DNAH10: variants seen among roughly 807,000 people sequenced by gnomAD.
DNAH10 encodes the protein axonemal beta dynein heavy chain 10.
Under a neutral mutation model 506.6 loss-of-function variants are expected in DNAH10, and 348 were observed. That is an observed-to-expected ratio of 0.69 (90% confidence interval 0.63 to 0.75). DNAH10 has a LOEUF of 0.75. DNAH10 is among the 30% of genes least tolerant of loss of function. The pLI, the probability that DNAH10 is intolerant of heterozygous loss-of-function variation, is 0.00. For synonymous variants in DNAH10, 2,059 were observed against 2,198.6 expected (o/e 0.94, Z 1.78); for missense variants, 5,179 against 5,787.1 (o/e 0.89, Z 3.41).
chr12:123,798,987 C>T (rs1458785384), intron 13 of DNAH10, among the ~76,000 whole-genome samples: 1 of 149,098 alleles, frequency 6.7e-6, no homozygotes, highest in Non-Finnish European at 1.5e-5. Context: ...TGCCTGTAAT[C>T]CTAGCTACTT....
At position 123,830,070 on chromosome 12, in the gene DNAH10, C is replaced by G. The variant is rs566915992; in HGVS notation, c.4392-476C>G. On this transcript the variant is annotated intron_variant, in intron 25 of 78. Transcript: ENST00000673944. ...TGTTGATTGTTTGTTGTTTGTCTCC[C>G]CAAGTAAGTGGCAGGTTCTCTGAAG... 5.9e-5 allele frequency among the ~76,000 whole-genome samples: 9 copies of G among 152,268 alleles called. No homozygotes were observed. The South Asian group carries it at 1.9e-3, about 32-fold the overall frequency.
chr12:123,870,565 G>A (rs1951990734), intron 44 of DNAH10, 80 bp downstream of exon 44: 2 of 1,519,278 alleles, frequency 1.3e-6, no homozygotes, highest in Non-Finnish European at 1.8e-6. Flanking sequence ...AAGATCCCAT[G>A]GCTTCTCTGG....
chr12:123,930,370 TC>T, intron 72 of DNAH10, 31 bp from the exon 73 acceptor site: 1 of 1,499,098 alleles, frequency 6.7e-7, no homozygotes. Flanking sequence ...GGTTCTGAGC[TC>T]CTGGCTGGCT....
Position 123,857,143 on chromosome 12 carries a change from G to T in DNAH10, c.6526G>T (p.Asp2176Tyr). ...TCCTCTTTTCCTTGGTTTGATTTCG[G>T]ATCTGTTTCCTGGGCTGGACTGCCC... ...DVPLFLGLIS[D>Y]LFPGLDCPRV... The change falls in exon 37 of 79, where the codon GAT becomes TAT. Residue 2176 changes from aspartate (D) to tyrosine (Y), a missense_variant. Around this residue, in one of 3 missense-constraint regions of DNAH10, gnomAD observed 4,844 missense variants for 5,430.5 expected, o/e 0.89. Transcript: ENST00000673944. 6.2e-7 allele frequency: 1 copy of T among 1,611,754 alleles called. No individual in the cohort carries two copies. The highest frequency in any genetic ancestry group is 8.5e-7 in the Non-Finnish European group (1 of 1,179,004).
At chr12:123,870,525 G>A (rs751505077) in intron 44 of DNAH10, 40 bp downstream of exon 44, 2 of 1,600,612 alleles carry the variant, frequency 1.2e-6, no homozygotes, top group Non-Finnish European at 1.7e-6. Context: ...GTTTAGGAGT[G>A]TGTGATACTC....
At position 123,838,658 on chromosome 12, in the gene DNAH10, A is replaced by G. The variant is rs1409400400; in HGVS notation, c.5105A>G (p.Asp1702Gly). The G allele has an allele frequency of 9.9e-6, 16 of 1,613,788 alleles. No homozygotes were observed. In the Middle Eastern group the frequency reaches 4.9e-4, roughly 50 times the overall value. ...TTGCTTAGCATTCTGGGGAGCAGCG[A>G]CCCACTCTGCGTCCAGGAGCACATG... ...DELLSILGSS[D>G]PLCVQEHMIK... The change falls in exon 29 of 79, where the codon GAC (aspartate) becomes GGC (glycine). Residue 1702 changes from aspartate to glycine, a missense_variant. By Grantham distance (94) the Asp-to-Gly change is moderately conservative. Around this residue, in one of 3 missense-constraint regions of DNAH10, gnomAD observed 4,844 missense variants for 5,430.5 expected, o/e 0.89. Transcript: ENST00000673944.
At position 123,785,654 on chromosome 12, in the gene DNAH10, AG is replaced by A; in HGVS notation, c.1231-91del. On this transcript the variant is annotated intron_variant, in intron 8 of 78. Coordinates refer to ENST00000673944, the MANE Select transcript of DNAH10 (RefSeq NM_001372106.1). This position sits in a 1 kb window ranked among gnomAD's most constrained non-coding sequence, Gnocchi z 4.1. ...TCTCAAGGAAAAAAAAAAAAAAAAAAGAGTGAAACTTCTTGCATGCTTACTG... is the reference window on the plus strand; with the variant it reads ...TCTCAAGGAAAAAAAAAAAAAAAAAAAGTGAAACTTCTTGCATGCTTACTG... 11 of 1,034,038 alleles carry A rather than the reference AG, an allele frequency of 1.1e-5. No homozygotes were observed. Among genetic ancestry groups the A allele is most frequent in the South Asian group, 5.2e-5 (2 of 38,138 alleles). The allele number at this position is 1,034,038 out of a possible 1,614,324, so 64.1% of individuals were successfully genotyped here. A position where few individuals can be genotyped will look rare whatever the true frequency, so the allele number is the denominator to read the frequency against.
chr12:123,808,645 A>C, intron 18 of DNAH10, 152 bp from the exon 19 acceptor site: 1 of 729,750 alleles, frequency 1.4e-6, no homozygotes, highest in South Asian at 1.9e-5. Context: ...GAGTATTTTA[A>C]GTAAGACTCA....
chr12:123,822,427 G>A (rs1165826175), intron 24 of DNAH10, among the ~76,000 whole-genome samples: 1 of 151,990 alleles, frequency 6.6e-6, no homozygotes, highest in East Asian at 1.9e-4. Flanking sequence ...GTTAGTCTGG[G>A]TTCTTGAGAA....
chr12:123,902,184 T>C lies in DNAH10; in HGVS notation c.9641-755T>C, dbSNP rs1777101003. On this transcript the variant is annotated intron_variant, in intron 56 of 78. Coordinates refer to ENST00000673944, the MANE Select transcript of DNAH10 (RefSeq NM_001372106.1). This position sits in a 1 kb window ranked among gnomAD's most constrained non-coding sequence, Gnocchi z 4.5. The stretch of plus-strand genomic sequence containing the variant: ...TGTGTGTCTGCACATGGCCTTCTGA[T>C]AGGGACCCCAGGCATTGGATTTAGG... Among the ~76,000 whole-genome samples the C allele has an allele frequency of 6.6e-6, 1 of 152,154 alleles. No homozygotes were observed. Among genetic ancestry groups the C allele is most frequent in the Non-Finnish European group, 1.5e-5 (1 of 68,024 alleles).
At chr12:123,886,467 T>G (rs182345808) in intron 51 of DNAH10, among the ~76,000 whole-genome samples, 1 of 137,332 alleles carries the variant, frequency 7.3e-6, no homozygotes, top group African/African-American at 2.7e-5. Context: ...CCTGGTTGCG[T>G]TGCGCGCGCG....
At position 123,928,194 on chromosome 12, in the gene DNAH10, A is replaced by C. The variant is rs1049688733; in HGVS notation, c.12106-193A>C. On this transcript the variant is annotated intron_variant, in intron 69 of 78. Coordinates refer to ENST00000673944, the MANE Select transcript of DNAH10 (RefSeq NM_001372106.1). This position sits in a 1 kb window ranked among gnomAD's most constrained non-coding sequence, Gnocchi z 4.9. ...AGGCTGGGTGTGACCAGCTCAGTGC[A>C]CCCACGGGGCCCATGGGGTTTCTCA... 7.7e-6 allele frequency: 5 copies of C among 646,574 alleles called. No homozygotes were observed. The highest frequency in any genetic ancestry group is 1.8e-5 in the African/African-American group (1 of 54,672). The allele number at this position is 646,574 out of a possible 1,614,324, so 40.1% of individuals were successfully genotyped here.
At position 123,877,888 on chromosome 12, in the gene DNAH10, T is replaced by C. The variant is rs781599832; in HGVS notation, c.8352T>C (p.Leu2784=). ...ATCTCTCACGGGTTTTTAATGGTCT[T>C]GTCCTCACTAACCCGGAGCGGTGAG... ...LRDLSRVFNG[L]VLTNPERFQT... The change falls in exon 48 of 79, where the codon CTT becomes CTC. Residue 2784 remains leucine, a synonymous_variant. Coordinates refer to ENST00000673944, the MANE Select transcript of DNAH10 (RefSeq NM_001372106.1). 3 of 1,614,026 alleles carry C rather than the reference T, an allele frequency of 1.9e-6. No homozygotes were observed. The South Asian group carries it at 3.3e-5, about 18-fold the overall frequency.
intron 51 of DNAH10, among the ~76,000 whole-genome samples, chr12:123,884,189 C>G (rs1332197431): frequency 6.6e-6 from 1 of 152,194 alleles, no homozygotes; most frequent in African/African-American, 2.4e-5. Context: ...CATGTGCCAC[C>G]ACGCCCGGCT....
intron 51 of DNAH10, among the ~76,000 whole-genome samples, chr12:123,882,867 C>G (rs1449019849): frequency 2.1e-4 from 31 of 151,036 alleles, no homozygotes; most frequent in Non-Finnish European, 1.5e-5. Flanking sequence ...CTTTAGTGAT[C>G]ACCACCCTGA....
rs376402035 is a variant in DNAH10 at position 123,859,189 on chromosome 12, C to G, written c.6670C>G (p.Arg2224Gly). 6.2e-7 allele frequency: 1 copy of G among 1,611,784 alleles called. No homozygotes were observed. The highest frequency in any genetic ancestry group is 1.1e-5 in the South Asian group (1 of 90,288). Residue 2224 changes from arginine to glycine, a missense_variant, in exon 38 of 79, where the codon CGC (arginine) becomes GGC (glycine). By Grantham distance (125) the Arg-to-Gly change is moderately radical. Coordinates refer to ENST00000673944, the MANE Select transcript of DNAH10 (RefSeq NM_001372106.1). ...TCAAATGTTCGAGACCATGTTAACC[C>G]GCCACACGACGATGGTGGTGGGGCC... ...VVQMFETMLT[R>G]HTTMVVGPTR...
At chr12:123,878,320 C>A (rs1952351155) in intron 48 of DNAH10, among the ~76,000 whole-genome samples, 1 of 152,136 alleles carries the variant, frequency 6.6e-6, no homozygotes, top group Non-Finnish European at 1.5e-5. Context: ...TAGGGAAATT[C>A]CCGATTAAAA....
At chr12:123,859,737 T>C (rs1309769235) in intron 38 of DNAH10, among the ~76,000 whole-genome samples, 1 of 152,010 alleles carries the variant, frequency 6.6e-6, no homozygotes, top group East Asian at 1.9e-4. Context: ...ACTCCCACAT[T>C]GAAGATCGTA....
intron 49 of DNAH10, 34 bp from the exon 50 acceptor site, chr12:123,879,600 G>A: frequency 6.2e-7 from 1 of 1,612,834 alleles, no homozygotes; most frequent in Admixed American, 1.7e-5. Context: ...TACTGTTGTT[G>A]AGTTTGGGTC....
Sources: allele counts gnomAD v4.1 joint callset (sites outside exome capture counted in the v4.1 genomes callset), GRCh38; gene constraint gnomAD v4.1.1; regional missense constraint gnomAD v4.1.1; non-coding constraint Gnocchi (gnomAD v3.1); transcripts MANE v1.5; gene names NCBI Gene and HGNC (gene_info 2026-07-23, HGNC 2026-07-21).